Variants in ST3GAL5 observed in about 807,000 individuals in gnomAD.
ST3GAL5 encodes ST3 beta-galactoside alpha-2,3-sialyltransferase 5, also known as lactosylceramide alpha-2,3-sialyltransferase.
A neutral mutation model predicts 46.1 loss-of-function variants in ST3GAL5; 25 were observed. The observed-to-expected ratio is 0.54, with a 90% CI of 0.40 to 0.76. The LOEUF (loss-of-function observed/expected upper bound fraction) is 0.76. Among genes scored for constraint, ST3GAL5 ranks in the 30% least tolerant of loss-of-function variants. The pLI, the probability that ST3GAL5 is intolerant of heterozygous loss-of-function variation, is 0.00. For synonymous variants in ST3GAL5, 182 were observed against 192.7 expected (o/e 0.94, Z 0.46); for missense variants, 431 against 521.2 (o/e 0.83, Z 1.69).
intron 4 of ST3GAL5, chr2:85,847,463 T>G: frequency 2.0e-6 from 2 of 1,012,006 alleles, no homozygotes; most frequent in Non-Finnish European, 2.4e-6. Context: ...TTGTTTCAAC[T>G]TCTCAAACGT....
In ST3GAL5 at chr2:85,848,204, T is replaced by C; in HGVS notation, c.319A>G (p.Arg107Gly). Residue 107 changes from arginine to glycine, a missense_variant and splice_region_variant, in exon 4 of 7, where the codon AGA becomes GGA. Arg to Gly is a moderately radical substitution (Grantham distance 125). Transcript: ENST00000638572. ...ACTTGCTGAGCATATTTCTGAGCTC[T>C]CTGGAATGAAATCACACCAATCTGG... ...MHYVDPDHVK[R>G]AQKYAQQVLQ... 6.2e-7 allele frequency: 1 copy of C among 1,614,152 alleles called. No individual in the cohort carries two copies. Among genetic ancestry groups the C allele is most frequent in the African/African-American group, 1.3e-5 (1 of 75,060 alleles).
intron 1 of ST3GAL5, among the ~76,000 whole-genome samples, chr2:85,886,880 C>T (rs940588968): frequency 1.3e-5 from 2 of 152,214 alleles, no homozygotes; most frequent in Non-Finnish European, 2.9e-5. Flanking sequence ...AGTTGTTTTA[C>T]TTCTGCCAGA....
intron 1 of ST3GAL5, among the ~76,000 whole-genome samples, chr2:85,885,212 G>A (rs1241113270): frequency 3.3e-5 from 5 of 152,220 alleles, no homozygotes; most frequent in African/African-American, 1.2e-4. Flanking sequence ...AGGAAGTGCA[G>A]TATTATGAGA....
rs192757378 is a variant in ST3GAL5, at chr2:85,851,148, C to G, written c.319-2944G>C. On this transcript the variant is annotated intron_variant, in intron 3 of 6. Coordinates refer to ENST00000638572, the MANE Select transcript of ST3GAL5 (RefSeq NM_003896.4). ...GTCAGGCTGGTCTCAAACTCCTGACCTAGTGATCCACCTGCCTCCACCTTC... is the reference window on the plus strand; with the variant it reads ...GTCAGGCTGGTCTCAAACTCCTGACGTAGTGATCCACCTGCCTCCACCTTC... 1.4e-3 allele frequency: 893 copies of G among 632,844 alleles called. 2 individuals are homozygous for G. Among genetic ancestry groups the G allele is most frequent in the Admixed American group, 2.4e-3 (46 of 19,200 alleles). 39.2% of individuals were successfully genotyped at this position (632,844 alleles called of 1,614,324 possible). A position where few individuals can be genotyped will look rare whatever the true frequency, so the allele number is the denominator to read the frequency against.
At chr2:85,882,233 G>A (rs1447708753) in intron 1 of ST3GAL5, among the ~76,000 whole-genome samples, 1 of 152,350 alleles carries the variant, frequency 6.6e-6, no homozygotes, top group African/African-American at 2.4e-5. Flanking sequence ...ACCTCTGTTA[G>A]GGCAGTGCAG....
intron 6 of ST3GAL5, among the ~76,000 whole-genome samples, chr2:85,843,820 C>A (rs1264606734): frequency 6.6e-6 from 1 of 152,148 alleles, no homozygotes; most frequent in Non-Finnish European, 1.5e-5. Context: ...CCAAATTAGG[C>A]TGCAAAATAA....
chr2:85,860,783 G>A (rs916152841), intron 3 of ST3GAL5: 10 of 232,206 alleles, frequency 4.3e-5, no homozygotes, highest in South Asian at 5.7e-5. Context: ...TGAGGTGGCC[G>A]TGTTCTTGCC....
At chr2:85,888,703 G>T in intron 1 of ST3GAL5, 121 bp downstream of exon 1, 1 of 752,662 alleles carries the variant, frequency 1.3e-6, no homozygotes, top group Non-Finnish European at 1.7e-6. Context: ...TGCCCTGGGC[G>T]CTGCCCGCGG....
At chr2:85,860,825 C>A in intron 3 of ST3GAL5, 1 of 302,556 alleles carries the variant, frequency 3.3e-6, no homozygotes, top group South Asian at 3.1e-5. Context: ...AGAGCGAGAC[C>A]CTGACTCAAA....
chr2:85,868,860 C>T lies in ST3GAL5; in HGVS notation c.83-5375G>A, dbSNP rs567639845. ...TCTCAAACTCCTGACCTCAGGTGAT[C>T]CACCCGTCTCAGCCTCCCGAAGTGC... On this transcript the variant is annotated intron_variant, in intron 1 of 6. Coordinates refer to ENST00000638572, the MANE Select transcript of ST3GAL5 (RefSeq NM_003896.4). Among the ~76,000 whole-genome samples the T allele has an allele frequency of 1.1e-4, 16 of 152,202 alleles. No individual in the cohort carries two copies. In the East Asian group the frequency reaches 3.1e-3, roughly 29 times the overall value.
intron 1 of ST3GAL5, among the ~76,000 whole-genome samples, chr2:85,870,718 C>T (rs562894817): frequency 1.9e-4 from 28 of 150,856 alleles, no homozygotes; most frequent in Non-Finnish European, 2.7e-4. Context: ...CTCTTGTTGC[C>T]CGGGCTGAAG....
chr2:85,876,805 C>T (rs1247574056), intron 1 of ST3GAL5, among the ~76,000 whole-genome samples: 3 of 152,098 alleles, frequency 2.0e-5, no homozygotes. Flanking sequence ...ACAAATTCTG[C>T]AAGAAAGCTC....
At chr2:85,846,103 G>A in intron 5 of ST3GAL5, 1 of 397,304 alleles carries the variant, frequency 2.5e-6, no homozygotes, top group Non-Finnish European at 4.7e-6. Flanking sequence ...GGCTGAGGCA[G>A]GAGAATTGCT....
Position 85,859,209 on chromosome 2 carries a change from T to C in ST3GAL5, c.318+1972A>G, listed in dbSNP as rs149081019. 9.8e-4 allele frequency among the ~76,000 whole-genome samples: 149 copies of C among 152,216 alleles called. 2 individuals are homozygous for C. The highest frequency in any genetic ancestry group is 3.3e-3 in the East Asian group (17 of 5,182). On this transcript the variant is annotated intron_variant, in intron 3 of 6. Coordinates refer to ENST00000638572, the MANE Select transcript of ST3GAL5 (RefSeq NM_003896.4). ...TCAGCTGACCCAGACTTTAGAACAATCACTTTACAGTTGGTCAGATGGTAA... is the reference window on the plus strand; with the variant it reads ...TCAGCTGACCCAGACTTTAGAACAACCACTTTACAGTTGGTCAGATGGTAA...
intron 5 of ST3GAL5, chr2:85,845,545 C>T (rs1268948119): frequency 6.6e-6 from 1 of 152,280 alleles, no homozygotes; most frequent in African/African-American, 2.4e-5. Flanking sequence ...TTAATTAGGT[C>T]TGGCCCATCC....
intron 3 of ST3GAL5, chr2:85,850,066 T>A (rs770827916): frequency 6.6e-6 from 1 of 152,354 alleles, no homozygotes; most frequent in African/African-American, 2.4e-5. Context: ...CACATTTTTT[T>A]AGGAATGCAT....
intron 3 of ST3GAL5, chr2:85,853,959 C>G (rs1316877421): frequency 6.6e-6 from 1 of 152,182 alleles, no homozygotes; most frequent in African/African-American, 2.4e-5. Flanking sequence ...TAAAAAAATT[C>G]TCTAGTAACA....
intron 2 of ST3GAL5, 51 bp from the exon 3 acceptor site, chr2:85,861,343 G>T: frequency 8.4e-7 from 1 of 1,185,354 alleles, no homozygotes; most frequent in Non-Finnish European, 1.3e-6. Flanking sequence ...AGAATCATGA[G>T]ATGCAATGTG....
intron 1 of ST3GAL5, among the ~76,000 whole-genome samples, chr2:85,875,251 G>C (rs970804413): frequency 6.6e-6 from 1 of 151,768 alleles, no homozygotes; most frequent in Non-Finnish European, 1.5e-5. Context: ...TAGAGATAGA[G>C]TCTAAGCTTT....
Sources: allele counts gnomAD v4.1 joint callset (sites outside exome capture counted in the v4.1 genomes callset), GRCh38; gene constraint gnomAD v4.1.1; transcripts MANE v1.5; gene names NCBI Gene and HGNC (gene_info 2026-07-23, HGNC 2026-07-21).